Variants in PAX5 observed in about 807,000 individuals in gnomAD.
PAX5 encodes the protein paired box 5.
Under a neutral mutation model 43.7 loss-of-function variants are expected in PAX5, and 9 were observed. That is an observed-to-expected ratio of 0.21 (90% CI 0.12 to 0.36). The LOEUF (loss-of-function observed/expected upper bound fraction) is 0.36, where lower values mean the gene tolerates loss of function less well. PAX5 is among the 10% of genes least tolerant of loss of function. The pLI, the probability that PAX5 is intolerant of heterozygous loss-of-function variation, is 1.00. For missense variants in PAX5, 383 were observed against 532.7 expected (o/e 0.72, Z 2.77); for synonymous variants, 228 against 214.3 (o/e 1.06, Z -0.56).
intron 6 of PAX5, among the ~76,000 whole-genome samples, chr9:36,950,866 A>G (rs1299385201): frequency 6.7e-6 from 1 of 149,370 alleles, no homozygotes; most frequent in African/African-American, 2.5e-5. Context: ...TCAGCCTCCC[A>G]AGTAGCTGGG....
At chr9:36,859,195 G>A (rs980255718) in intron 8 of PAX5, among the ~76,000 whole-genome samples, 1 of 152,276 alleles carries the variant, frequency 6.6e-6, no homozygotes, top group South Asian at 2.1e-4. Flanking sequence ...TGGAAGAGGC[G>A]GAGATGAATC....
Position 36,836,265 on chromosome 9 carries a change from G to A in PAX5, c.*4295C>T, listed in dbSNP as rs1044621389. 10 of 233,286 alleles carry A rather than the reference G, an allele frequency of 4.3e-5. No individual in the cohort carries two copies. The highest frequency in any genetic ancestry group is 6.6e-5 in the African/African-American group (3 of 45,356). The allele number at this position is 233,286 out of a possible 1,614,324, so 14.5% of individuals were successfully genotyped here. A position where few individuals can be genotyped will look rare whatever the true frequency, so the allele number is the denominator to read the frequency against. ...TTCCACCCAACTCCATCTTCAAAGC[G>A]CAAGACTTGCAAGAGCCCAAGATGA... is the stretch of plus-strand genomic sequence containing the variant. On this transcript the variant is annotated 3_prime_UTR_variant, in exon 10 of 10. Coordinates refer to ENST00000358127, the MANE Select transcript of PAX5 (RefSeq NM_016734.3).
chr9:36,932,968 C>A (rs1402273098), intron 6 of PAX5, among the ~76,000 whole-genome samples: 1 of 151,778 alleles, frequency 6.6e-6, no homozygotes, highest in Non-Finnish European at 1.5e-5. Context: ...CCAGCCTGGC[C>A]AATATGATGA....
chr9:36,913,744 G>A (rs1374247371), intron 7 of PAX5, among the ~76,000 whole-genome samples: 3 of 152,184 alleles, frequency 2.0e-5, no homozygotes, highest in Non-Finnish European at 4.4e-5. Context: ...GAGTGTGAGG[G>A]CTGAGATAGA....
chr9:36,840,385 G>A lies in PAX5; in HGVS notation c.*175C>T, dbSNP rs549639922. 98 of 672,292 alleles carry A rather than the reference G, an allele frequency of 1.5e-4. No homozygotes were observed. In the Middle Eastern group the frequency reaches 1.6e-3, roughly 11 times the overall value. The allele number at this position is 672,292 out of a possible 1,614,324, so 41.6% of individuals were successfully genotyped here. A position where few individuals can be genotyped will look rare whatever the true frequency, so the allele number is the denominator to read the frequency against. On this transcript the variant is annotated 3_prime_UTR_variant, in exon 10 of 10. Transcript: ENST00000358127. ...ATAGACAAGCATCCAGAAGTCCAAC[G>A]GCCCCACCAAAGGGCCCCAGAGTCC...
chr9:36,971,288 C>T (rs375461769), intron 5 of PAX5, among the ~76,000 whole-genome samples: 35 of 152,334 alleles, frequency 2.3e-4, no homozygotes, highest in African/African-American at 6.5e-4. Flanking sequence ...CCTCTGGTGT[C>T]GCACACAGTG....
Position 36,836,066 on chromosome 9 carries a change from T to C in PAX5, c.*4494A>G, listed in dbSNP as rs1821620905. 1 of 233,466 alleles carries C rather than the reference T, an allele frequency of 4.3e-6. No homozygotes were observed. Among genetic ancestry groups the C allele is most frequent in the African/African-American group, 2.2e-5 (1 of 45,366 alleles). The allele number at this position is 233,466 out of a possible 1,614,324, so 14.5% of individuals were successfully genotyped here. On this transcript the variant is annotated 3_prime_UTR_variant, in exon 10 of 10. Transcript: ENST00000358127. Reference sequence around the variant, plus strand: ...GGAGGGGGTGGCTGGAGCCACTGGCTGCCAAGGCTGGGCAGTCGTTCTGGA... The same window carrying C: ...GGAGGGGGTGGCTGGAGCCACTGGCCGCCAAGGCTGGGCAGTCGTTCTGGA...
intron 8 of PAX5, among the ~76,000 whole-genome samples, chr9:36,865,958 G>T (rs1824833388): frequency 6.6e-6 from 1 of 152,248 alleles, no homozygotes; most frequent in African/African-American, 2.4e-5. Context: ...CCTCGGGCAG[G>T]TGGGGTGGAT....
In PAX5 at chr9:36,889,858, G is replaced by A. The variant is rs1490518578; in HGVS notation, c.911-7753C>T. Among the ~76,000 whole-genome samples the A allele has an allele frequency of 2.0e-5, 3 of 146,706 alleles. No individual in the cohort carries two copies. In the Admixed American group the frequency reaches 2.1e-4, roughly 10 times the overall value. On this transcript the variant is annotated intron_variant, in intron 7 of 9. Coordinates refer to ENST00000358127, the MANE Select transcript of PAX5 (RefSeq NM_016734.3). Reference sequence around the variant, plus strand: ...CTCCACAAAATAACCAGGCCTGATTGATCAGTTTTTGCTTAGACGCAACTT... The same window carrying A: ...CTCCACAAAATAACCAGGCCTGATTAATCAGTTTTTGCTTAGACGCAACTT...
At chr9:36,875,234 C>T (rs532511475) in intron 8 of PAX5, among the ~76,000 whole-genome samples, 7 of 152,358 alleles carry the variant, frequency 4.6e-5, no homozygotes, top group African/African-American at 9.6e-5. Flanking sequence ...GCAAACCTAG[C>T]GAAGCTCTCC....
At chr9:36,977,000 C>A (rs529539984) in intron 5 of PAX5, among the ~76,000 whole-genome samples, 9 of 152,310 alleles carry the variant, frequency 5.9e-5, no homozygotes, top group African/African-American at 1.9e-4. Flanking sequence ...GCCCTTCCCA[C>A]CAGAGCTAGA....
intron 8 of PAX5, 139 bp from the exon 9 acceptor site, chr9:36,847,068 G>C (rs1445591822): frequency 1.6e-6 from 1 of 619,642 alleles, no homozygotes; most frequent in Admixed American, 2.6e-5. Context: ...ACCAACAAAA[G>C]CAAGTCAGGT....
chr9:36,896,920 G>GTCAC (rs1434313515), intron 7 of PAX5, among the ~76,000 whole-genome samples: 1 of 152,198 alleles, frequency 6.6e-6, no homozygotes, highest in Non-Finnish European at 1.5e-5. Context: ...GGCTCCAAGA[G>GTCAC]GTGAAGGGTC....
intron 8 of PAX5, among the ~76,000 whole-genome samples, chr9:36,872,634 A>G (rs1450242478): frequency 6.6e-6 from 1 of 152,108 alleles, no homozygotes; most frequent in Non-Finnish European, 1.5e-5. Flanking sequence ...TTCTTCCCAA[A>G]TGCAGGCAAG....
chr9:36,941,857 C>A (rs1387162802), intron 6 of PAX5, among the ~76,000 whole-genome samples: 3 of 152,188 alleles, frequency 2.0e-5, no homozygotes, highest in Non-Finnish European at 4.4e-5. Context: ...TCACACCAGG[C>A]TCACTGGATG....
At chr9:36,898,903 C>T (rs944133346) in intron 7 of PAX5, among the ~76,000 whole-genome samples, 8 of 152,208 alleles carry the variant, frequency 5.3e-5, no homozygotes, top group South Asian at 4.2e-4. Context: ...CAACTCCAGC[C>T]GCACTGCAGA....
chr9:36,970,086 G>A (rs1445847493), intron 5 of PAX5, among the ~76,000 whole-genome samples: 4 of 152,116 alleles, frequency 2.6e-5, no homozygotes, highest in Non-Finnish European at 5.9e-5. Context: ...GTCTAGAGAG[G>A]GCAGCCCACT....
intron 3 of PAX5, among the ~76,000 whole-genome samples, chr9:37,008,539 C>T (rs1050134403): frequency 6.6e-6 from 1 of 152,232 alleles, no homozygotes; most frequent in South Asian, 2.1e-4. Flanking sequence ...GCAGTAGCCT[C>T]TCTGCCCTTT....
chr9:36,996,753 C>T (rs987590745), intron 5 of PAX5, among the ~76,000 whole-genome samples: 2 of 152,156 alleles, frequency 1.3e-5, no homozygotes, highest in Non-Finnish European at 2.9e-5. Context: ...CCATAGCTCC[C>T]GTGGAGGTCT....
Sources: gnomAD v4.1 joint callset for allele counts (sites outside exome capture counted in the v4.1 genomes callset) on GRCh38, gnomAD v4.1.1 for gene constraint, MANE v1.5 for transcripts, NCBI Gene and HGNC (gene_info 2026-07-23, HGNC 2026-07-21) for gene names.